SPAG17: variants seen among roughly 807,000 people sequenced by gnomAD.
SPAG17 encodes sperm-associated antigen 17.
Under a neutral mutation model 273.6 loss-of-function variants are expected in SPAG17, and 169 were observed. The ratio of observed to expected loss-of-function variants is 0.62; its 90% CI spans 0.55 to 0.70. SPAG17 has a LOEUF of 0.70. SPAG17 is among the 30% of genes least tolerant of loss of function. SPAG17 has a pLI of 0.00. For synonymous variants in SPAG17, 825 were observed against 873.2 expected, an observed-to-expected ratio of 0.94 and a Z score of 0.97; for missense variants, 2,557 against 2,627.8, an observed-to-expected ratio of 0.97 and a Z score of 0.59.
At chr1:117,986,572 G>A (rs10923455) in intron 40 of SPAG17, among the ~76,000 whole-genome samples, 10,253 of 152,128 alleles carry the variant, frequency 0.067, 544 homozygotes, top group East Asian at 0.31. Flanking sequence ...AATTTAAAAA[G>A]TTTGTATAGA....
intron 24 of SPAG17, among the ~76,000 whole-genome samples, chr1:118,035,191 A>G (rs1002160475): frequency 1.3e-5 from 2 of 152,120 alleles, no homozygotes; most frequent in African/African-American, 4.8e-5. Context: ...AAAAACATAT[A>G]GGATGTAAAA....
At chr1:118,032,548 T>C (rs1225053067) in intron 24 of SPAG17, among the ~76,000 whole-genome samples, 3 of 151,930 alleles carry the variant, frequency 2.0e-5, no homozygotes, top group Non-Finnish European at 4.4e-5. Flanking sequence ...CAATCTCCTC[T>C]ACTTACTCTT....
At chr1:117,978,571 C>T (rs1404218758) in intron 43 of SPAG17, among the ~76,000 whole-genome samples, 1 of 152,158 alleles carries the variant, frequency 6.6e-6, no homozygotes, top group Non-Finnish European at 1.5e-5. Flanking sequence ...ACATATTCCT[C>T]TTTTATATGC....
intron 3 of SPAG17, among the ~76,000 whole-genome samples, chr1:118,117,727 A>C (rs1462920473): frequency 6.6e-6 from 1 of 152,194 alleles, no homozygotes; most frequent in Non-Finnish European, 1.5e-5. Context: ...ATGGAGGCAG[A>C]CTTGATGCGC....
At chr1:118,122,944 T>C (rs1004128985) in intron 3 of SPAG17, among the ~76,000 whole-genome samples, 5 of 152,188 alleles carry the variant, frequency 3.3e-5, no homozygotes, top group Non-Finnish European at 4.4e-5. Flanking sequence ...CAACTGGCCA[T>C]AACCTGGCTA....
At chr1:118,080,374 G>A (rs1654446072) in intron 15 of SPAG17, among the ~76,000 whole-genome samples, 1 of 152,192 alleles carries the variant, frequency 6.6e-6, no homozygotes. Context: ...GAAAAGAGCA[G>A]GCTGTGCAGA....
At position 118,055,835 on chromosome 1, in the gene SPAG17, T is replaced by G. The variant is rs775808888; in HGVS notation, c.2620A>C (p.Asn874His). 6.2e-7 allele frequency: 1 copy of G among 1,613,010 alleles called. No individual in the cohort carries two copies. Among genetic ancestry groups the G allele is most frequent in the African/African-American group, 1.3e-5 (1 of 74,900 alleles). Residue 874 changes from asparagine to histidine, a missense_variant, in exon 19 of 49, where the codon AAT (asparagine) becomes CAT (histidine). Coordinates refer to ENST00000336338, the MANE Select transcript of SPAG17 (RefSeq NM_206996.4). ...EEAIYQESKM[N>H]EKIIRTRAEL... ...GCTCTGGTCCTGATGATTTTCTCAT[T>G]CATTTTAGATTCCTGATATATAGCT...
intron 3 of SPAG17, among the ~76,000 whole-genome samples, chr1:118,149,421 T>C (rs1320410951): frequency 2.0e-5 from 3 of 152,206 alleles, no homozygotes. Context: ...GAGAATTGGA[T>C]GTGGATTTCT....
chr1:118,008,221 C>T (rs139828300), intron 30 of SPAG17, 23 bp from the exon 31 acceptor site: 1 of 1,612,442 alleles, frequency 6.2e-7, no homozygotes, highest in East Asian at 2.2e-5. Flanking sequence ...GCAAGGTAAG[C>T]AGATCTGATA....
At chr1:118,040,497 CT>C (rs1164953613) in intron 22 of SPAG17, among the ~76,000 whole-genome samples, 2 of 152,116 alleles carry the variant, frequency 1.3e-5, no homozygotes, top group Non-Finnish European at 2.9e-5. Context: ...ATTTTAACAA[CT>C]GGAATGGTCA....
chr1:118,015,172 C>T (rs1659841490), intron 29 of SPAG17, among the ~76,000 whole-genome samples: 1 of 151,344 alleles, frequency 6.6e-6, no homozygotes, highest in South Asian at 2.1e-4. Flanking sequence ...GTTATCCCAG[C>T]TACATGGGAG....
chr1:118,036,695 G>T, intron 24 of SPAG17, 75 bp downstream of exon 24: 1 of 925,654 alleles, frequency 1.1e-6, no homozygotes, highest in Non-Finnish European at 1.7e-6. Flanking sequence ...TGACAAGTGA[G>T]CAGACTGAGA....
At chr1:118,049,911 G>A (rs902328892) in intron 20 of SPAG17, among the ~76,000 whole-genome samples, 2 of 152,154 alleles carry the variant, frequency 1.3e-5, no homozygotes, top group Non-Finnish European at 2.9e-5. Flanking sequence ...AGGGAAGGAG[G>A]CATCTCCCAA....
chr1:118,017,690 T>G (rs1042568130), intron 28 of SPAG17, among the ~76,000 whole-genome samples: 9 of 151,968 alleles, frequency 5.9e-5, no homozygotes, highest in African/African-American at 2.2e-4. Context: ...GAAATTCAAG[T>G]TGGCAGAAGA....
intron 25 of SPAG17, among the ~76,000 whole-genome samples, chr1:118,031,389 C>T (rs1648448516): frequency 6.6e-6 from 1 of 151,724 alleles, no homozygotes; most frequent in African/African-American, 2.4e-5. Flanking sequence ...AGAAACTTGA[C>T]CAACGAAAAG....
chr1:118,175,832 T>A (rs1429027672), intron 1 of SPAG17, among the ~76,000 whole-genome samples: 2 of 152,184 alleles, frequency 1.3e-5, no homozygotes, highest in Non-Finnish European at 2.9e-5. Context: ...GATACTGTAA[T>A]GCTGTAATTA....
intron 1 of SPAG17, among the ~76,000 whole-genome samples, chr1:118,163,652 T>C (rs903351663): frequency 1.3e-5 from 2 of 151,432 alleles, no homozygotes; most frequent in African/African-American, 4.9e-5. Flanking sequence ...CTTTCCTCTC[T>C]ATCCCTACTT....
intron 24 of SPAG17, among the ~76,000 whole-genome samples, chr1:118,032,487 G>A (rs565970634): frequency 6.6e-6 from 1 of 151,876 alleles, no homozygotes; most frequent in South Asian, 2.1e-4. Context: ...TTTTCCTCTA[G>A]GTTCCAGAAA....
At chr1:117,975,797 G>T (rs1424247363) in intron 43 of SPAG17, among the ~76,000 whole-genome samples, 1 of 152,150 alleles carries the variant, frequency 6.6e-6, no homozygotes, top group African/African-American at 2.4e-5. Flanking sequence ...CATTCCAGTA[G>T]TTTGGTATAG....
Sources: allele counts gnomAD v4.1 joint callset (sites outside exome capture counted in the v4.1 genomes callset), GRCh38; gene constraint gnomAD v4.1.1; transcripts MANE v1.5; gene names NCBI Gene and HGNC (gene_info 2026-07-23, HGNC 2026-07-21).